Variants in FOXP2 observed in about 807,000 individuals in gnomAD.
FOXP2 encodes the protein forkhead box protein P2.
A neutral mutation model predicts 115.8 loss-of-function variants in FOXP2; 12 were observed. That is an observed-to-expected ratio of 0.10 (90% CI 0.07 to 0.17). The LOEUF (loss-of-function observed/expected upper bound fraction) is 0.17. Among genes scored for constraint, FOXP2 ranks in the 10% least tolerant of loss-of-function variants. FOXP2 has a pLI of 1.00. For missense variants in FOXP2, 629 were observed against 843.5 expected (o/e 0.75, Z 3.15); for synonymous variants, 328 against 297.7 (o/e 1.10, Z -1.05).
intron 1 of FOXP2, among the ~76,000 whole-genome samples, chr7:114,237,654 T>G (rs1339144877): frequency 6.6e-6 from 1 of 152,124 alleles, no homozygotes; most frequent in African/African-American, 2.4e-5. Flanking sequence ...GCTTTTTTTT[T>G]TGTTTGTTTT....
intron 2 of FOXP2, among the ~76,000 whole-genome samples, chr7:114,493,416 G>T (rs1012914964): frequency 1.3e-5 from 2 of 152,038 alleles, no homozygotes; most frequent in African/African-American, 4.8e-5. Context: ...TATGGACTTT[G>T]GGTGAGAATG....
chr7:114,291,864 TA>T lies in FOXP2; in HGVS notation c.-11+3757del, dbSNP rs1562856823. 9.1e-5 allele frequency among the ~76,000 whole-genome samples: 12 copies of T among 132,484 alleles called. 1 individual carries two copies. In the Admixed American group the frequency reaches 9.5e-4, roughly 10 times the overall value. The allele number at this position is 132,484 out of a possible 152,430, so 86.9% of individuals were successfully genotyped here. A position where few individuals can be genotyped will look rare whatever the true frequency, so the allele number is the denominator to read the frequency against. ...TTATATATATATAACATTTTATATA[TA>T]ATATATAGATAATATATAGAATATA... On this transcript the variant is annotated intron_variant, in intron 2 of 17. Transcript: ENST00000634411.
At chr7:114,336,012 T>A (rs760090626) in intron 2 of FOXP2, among the ~76,000 whole-genome samples, 21 of 151,790 alleles carry the variant, frequency 1.4e-4, no homozygotes, top group Non-Finnish European at 1.6e-4. Flanking sequence ...ATAGTGGATA[T>A]AGATACATCT....
chr7:114,238,106 G>T (rs561731684), intron 1 of FOXP2, among the ~76,000 whole-genome samples: 1 of 152,212 alleles, frequency 6.6e-6, no homozygotes, highest in African/African-American at 2.4e-5. Flanking sequence ...TCACTGTTTT[G>T]TGCATTATAT....
chr7:114,553,826 A>G (rs938553341), intron 3 of FOXP2, among the ~76,000 whole-genome samples: 1 of 152,148 alleles, frequency 6.6e-6, no homozygotes, highest in Non-Finnish European at 1.5e-5. Context: ...GAAAAAGGAA[A>G]TATCAAAAAG....
chr7:114,383,288 A>G (rs1399959872), intron 2 of FOXP2, among the ~76,000 whole-genome samples: 1 of 152,200 alleles, frequency 6.6e-6, no homozygotes, highest in African/African-American at 2.4e-5. Context: ...AAAAAGGTAC[A>G]TGCACTCTGG....
chr7:114,583,113 C>T (rs1330080125), intron 3 of FOXP2, among the ~76,000 whole-genome samples: 1 of 152,158 alleles, frequency 6.6e-6, no homozygotes, highest in African/African-American at 2.4e-5. Context: ...CGTGGTGGCT[C>T]ACACCTGTAA....
At chr7:114,581,106 C>CACACAG (rs1384240735) in intron 3 of FOXP2, among the ~76,000 whole-genome samples, 1 of 151,226 alleles carries the variant, frequency 6.6e-6, no homozygotes, top group Non-Finnish European at 1.5e-5. Context: ...CACACACACA[C>CACACAG]AAGCACACGG....
At chr7:114,211,083 T>A (rs1028361402) in intron 1 of FOXP2, among the ~76,000 whole-genome samples, 7 of 152,182 alleles carry the variant, frequency 4.6e-5, no homozygotes, top group Admixed American at 4.6e-4. Flanking sequence ...AGATTCCAGC[T>A]TGCTGCTGTT....
At position 114,321,992 on chromosome 7, in the gene FOXP2, A is replaced by C. The variant is rs1004141221; in HGVS notation, c.-11+33883A>C. 2.0e-5 allele frequency among the ~76,000 whole-genome samples: 3 copies of C among 151,108 alleles called. No homozygotes were observed. The Admixed American group carries it at 2.0e-4, about 10-fold the overall frequency. On this transcript the variant is annotated intron_variant, in intron 2 of 17. Coordinates refer to the FOXP2 transcript ENST00000634411. ...GTTGATGATTTTATTATTAGCCAAA[A>C]ATAAATGCCGTGAGAATTTCAGAGG...
intron 1 of FOXP2, among the ~76,000 whole-genome samples, chr7:114,172,752 A>G (rs972270256): frequency 2.0e-5 from 3 of 152,188 alleles, no homozygotes; most frequent in African/African-American, 7.2e-5. Flanking sequence ...GTGTAATGTA[A>G]TTCAAAGTAA....
chr7:114,654,220 C>T, intron 10 of FOXP2: 1 of 1,216,370 alleles, frequency 8.2e-7, no homozygotes, highest in South Asian at 1.5e-5. Context: ...CCATGGGTGA[C>T]ACTAAACAAA....
At chr7:114,308,658 A>T (rs1797072077) in intron 2 of FOXP2, among the ~76,000 whole-genome samples, 1 of 152,174 alleles carries the variant, frequency 6.6e-6, no homozygotes, top group South Asian at 2.1e-4. Context: ...TACAATCCAG[A>T]TGCCTGTGGA....
intron 3 of FOXP2, among the ~76,000 whole-genome samples, chr7:114,620,789 T>A (rs1026917481): frequency 6.6e-6 from 1 of 152,114 alleles, no homozygotes; most frequent in South Asian, 2.1e-4. Flanking sequence ...GGGTTTAAGC[T>A]ATTCATGGAT....
chr7:114,234,506 TAAACTGC>T (rs1254778797), intron 1 of FOXP2, among the ~76,000 whole-genome samples: 1 of 152,260 alleles, frequency 6.6e-6, no homozygotes. Context: ...ATAGCTTCTG[TAAACTGC>T]AAATCAATAG....
intron 2 of FOXP2, among the ~76,000 whole-genome samples, chr7:114,341,284 T>G (rs1446134841): frequency 6.6e-6 from 1 of 151,282 alleles, no homozygotes; most frequent in African/African-American, 2.4e-5. Context: ...TGCAATGTTT[T>G]CTAACTCAGT....
At chr7:114,409,953 A>G (rs746704558), upstream of FOXP2, among the ~76,000 whole-genome samples, 39 of 152,034 alleles carry the variant, frequency 2.6e-4, no homozygotes, top group Non-Finnish European at 4.4e-4. Flanking sequence ...GCTCCAATCT[A>G]TCTGAACCAC....
At chr7:114,569,508 T>C (rs1020216206) in intron 3 of FOXP2, among the ~76,000 whole-genome samples, 5 of 151,910 alleles carry the variant, frequency 3.3e-5, no homozygotes, top group African/African-American at 1.2e-4. Flanking sequence ...ACACCTTCAA[T>C]TGGAGTCACA....
intron 8 of FOXP2, 56 bp from the exon 9 acceptor site, chr7:114,652,147 A>G (rs1806298512): frequency 2.6e-6 from 4 of 1,523,206 alleles, no homozygotes; most frequent in Non-Finnish European, 2.7e-6. Context: ...AGTGTAGCCT[A>G]TGCCACTAAG....
Sources: gnomAD v4.1 joint callset for allele counts (sites outside exome capture counted in the v4.1 genomes callset) on GRCh38, gnomAD v4.1.1 for gene constraint, MANE v1.5 for transcripts, NCBI Gene and HGNC (gene_info 2026-07-23, HGNC 2026-07-21) for gene names.